Variants in PLCB4 observed in about 807,000 individuals in gnomAD.
PLCB4 encodes 1-phosphatidylinositol 4,5-bisphosphate phosphodiesterase beta-4.
A neutral mutation model predicts 178.8 loss-of-function variants in PLCB4; 77 were observed. The ratio of observed to expected loss-of-function variants is 0.43; its 90% CI spans 0.36 to 0.52. PLCB4 has a LOEUF of 0.52. PLCB4 is among the 20% of genes least tolerant of loss of function. The pLI, the probability that PLCB4 is intolerant of heterozygous loss-of-function variation, is 0.00. For synonymous variants in PLCB4, 496 were observed against 490.8 expected (o/e 1.01, Z -0.14); for missense variants, 1,024 against 1,453.4 (o/e 0.70, Z 4.80).
In PLCB4 at chr20:9,382,445, A is replaced by G. The variant is rs942526810; in HGVS notation, c.854-1756A>G. Reference sequence around the variant, plus strand: ...ACACATTTAGAATAAAATCTAAAATACTTAGTGAGGACTAAAGCCCAAGTG... The same window carrying G: ...ACACATTTAGAATAAAATCTAAAATGCTTAGTGAGGACTAAAGCCCAAGTG... On this transcript the variant is annotated intron_variant, in intron 13 of 39. Coordinates refer to ENST00000378473, the MANE Select transcript of PLCB4 (RefSeq NM_001377142.1). Among the ~76,000 whole-genome samples, 15 of 152,354 alleles carry G rather than the reference A, an allele frequency of 9.8e-5. 1 individual carries two copies. Among genetic ancestry groups the G allele is most frequent in the Admixed American group, 8.5e-4 (13 of 15,304 alleles).
intron 3 of PLCB4, among the ~76,000 whole-genome samples, chr20:9,285,441 T>G (rs377214406): frequency 6.6e-6 from 1 of 151,992 alleles, no homozygotes; most frequent in African/African-American, 2.4e-5. Context: ...CCTGACTTAC[T>G]AAGTTCTTTT....
intron 3 of PLCB4, among the ~76,000 whole-genome samples, chr20:9,278,543 A>G (rs1011804768): frequency 1.3e-5 from 2 of 152,056 alleles, no homozygotes; most frequent in African/African-American, 2.4e-5. Flanking sequence ...TAATTTATCC[A>G]TGGTTACTCC....
intron 3 of PLCB4, among the ~76,000 whole-genome samples, chr20:9,265,345 T>C (rs2094338802): frequency 6.6e-6 from 1 of 152,086 alleles, no homozygotes; most frequent in Admixed American, 6.5e-5. Flanking sequence ...TAGCTGGGCA[T>C]GTTGCCACAC....
chr20:9,132,719 A>G (rs1052815407), intron 2 of PLCB4, among the ~76,000 whole-genome samples: 13 of 152,132 alleles, frequency 8.5e-5, no homozygotes, highest in Non-Finnish European at 4.4e-5. Flanking sequence ...TTCATTCTCT[A>G]CATTGCAATC....
At position 9,129,969 on chromosome 20, in the gene PLCB4, TC is replaced by T. The variant is rs538743928; in HGVS notation, c.-79+33628del. On this transcript the variant is annotated intron_variant, in intron 2 of 39. Transcript: ENST00000378473. ...TACCATGTTTAGCCTCTGGGGCTTC[TC>T]TTGGTTGTATCTAGTTTGTTGTTCT... Among the ~76,000 whole-genome samples, 9 of 152,286 alleles carry T rather than the reference TC, an allele frequency of 5.9e-5. No homozygotes were observed. The South Asian group carries it at 1.9e-3, about 32-fold the overall frequency.
At chr20:9,077,072 A>C (rs997063798) in intron 1 of PLCB4, among the ~76,000 whole-genome samples, 2 of 152,044 alleles carry the variant, frequency 1.3e-5, no homozygotes, top group Non-Finnish European at 2.9e-5. Context: ...TATTGTATAC[A>C]TTTTTGTCTG....
chr20:9,169,000 A>AACC (rs1464242060), intron 2 of PLCB4, among the ~76,000 whole-genome samples: 2 of 136,920 alleles, frequency 1.5e-5, no homozygotes, highest in African/African-American at 2.8e-5. Flanking sequence ...CGGTTGCTAC[A>AACC]ACCACCAAGG....
intron 3 of PLCB4, among the ~76,000 whole-genome samples, chr20:9,290,582 C>T (rs1201122547): frequency 6.6e-6 from 1 of 152,092 alleles, no homozygotes; most frequent in Non-Finnish European, 1.5e-5. Context: ...GTTGACCTTA[C>T]AAGAATTGGA....
intron 3 of PLCB4, among the ~76,000 whole-genome samples, chr20:9,258,246 A>G (rs997396276): frequency 2.0e-5 from 3 of 152,188 alleles, no homozygotes; most frequent in African/African-American, 7.2e-5. Flanking sequence ...AACATTATTC[A>G]CATTTTTATG....
rs75386832 is a variant in PLCB4, at chr20:9,268,061, A to G, written c.-15-39739A>G. Among the ~76,000 whole-genome samples, 216 of 152,310 alleles carry G rather than the reference A, an allele frequency of 1.4e-3. 4 individuals are homozygous for G. The East Asian group carries it at 0.034, about 24-fold the overall frequency. On this transcript the variant is annotated intron_variant, in intron 3 of 39. Coordinates refer to ENST00000378473, the MANE Select transcript of PLCB4 (RefSeq NM_001377142.1). ...CCTGACTTGGGACTTCTCCACCTCCATAACTGTAAGACATAAATTCCTTTT... is the reference window on the plus strand; with the variant it reads ...CCTGACTTGGGACTTCTCCACCTCCGTAACTGTAAGACATAAATTCCTTTT...
chr20:9,311,348 G>A (rs1284964305), intron 4 of PLCB4, among the ~76,000 whole-genome samples: 1 of 152,156 alleles, frequency 6.6e-6, no homozygotes, highest in Non-Finnish European at 1.5e-5. Flanking sequence ...ATACAAGGAT[G>A]TTGTATAAAG....
At chr20:9,244,439 A>G (rs1374713442) in intron 3 of PLCB4, among the ~76,000 whole-genome samples, 1 of 152,224 alleles carries the variant, frequency 6.6e-6, no homozygotes, top group African/African-American at 2.4e-5. Flanking sequence ...ATTAAGGATC[A>G]ATTATGACTA....
At chr20:9,414,235 A>G (rs2040081998) in intron 25 of PLCB4, among the ~76,000 whole-genome samples, 1 of 152,236 alleles carries the variant, frequency 6.6e-6, no homozygotes, top group Admixed American at 6.5e-5. Flanking sequence ...ATAAAGTATC[A>G]GCGATGCTGT....
rs181312393 is a variant in PLCB4 at position 9,125,521 on chromosome 20, C to T, written c.-79+29179C>T. 1.1e-3 allele frequency among the ~76,000 whole-genome samples: 172 copies of T among 151,964 alleles called. 2 individuals carry two copies. Among genetic ancestry groups the T allele is most frequent in the Non-Finnish European group, 1.7e-3 (118 of 67,972 alleles). Reference sequence around the variant, plus strand: ...GTATAACTTGGCAATTTAGATATAACTCGTAATGAGGGATATTCCTACTAG... The same window carrying T: ...GTATAACTTGGCAATTTAGATATAATTCGTAATGAGGGATATTCCTACTAG... On this transcript the variant is annotated intron_variant, in intron 2 of 39. Coordinates refer to ENST00000378473, the MANE Select transcript of PLCB4 (RefSeq NM_001377142.1).
intron 2 of PLCB4, among the ~76,000 whole-genome samples, chr20:9,104,081 G>T (rs972071022): frequency 1.3e-5 from 2 of 152,098 alleles, no homozygotes; most frequent in Non-Finnish European, 2.9e-5. Flanking sequence ...AGCAGAGAAA[G>T]CTCATCTCTG....
intron 4 of PLCB4, among the ~76,000 whole-genome samples, chr20:9,314,716 C>T (rs2094878869): frequency 6.6e-6 from 1 of 152,054 alleles, no homozygotes; most frequent in African/African-American, 2.4e-5. Context: ...AGAGGATGAA[C>T]ACATGGGCGC....
chr20:9,212,138 C>G (rs915915077), intron 2 of PLCB4, among the ~76,000 whole-genome samples: 2 of 152,186 alleles, frequency 1.3e-5, no homozygotes, highest in Non-Finnish European at 1.5e-5. Flanking sequence ...TTGGAAAGTG[C>G]TTGTGCTTTG....
chr20:9,232,988 T>C (rs2093950188), intron 3 of PLCB4, among the ~76,000 whole-genome samples: 1 of 152,082 alleles, frequency 6.6e-6, no homozygotes, highest in Non-Finnish European at 1.5e-5. Context: ...ATCAAAGAGT[T>C]TATTAGTTCC....
At chr20:9,389,836 T>G (rs749714192) in intron 15 of PLCB4, 43 bp from the exon 16 acceptor site, 2 of 1,077,740 alleles carry the variant, frequency 1.9e-6, no homozygotes, top group East Asian at 2.3e-5. Context: ...GCCTTAATTT[T>G]TTTGCTCTTT....
Sources: allele counts gnomAD v4.1 joint callset (sites outside exome capture counted in the v4.1 genomes callset), GRCh38; gene constraint gnomAD v4.1.1; transcripts MANE v1.5; gene names NCBI Gene and HGNC (gene_info 2026-07-23, HGNC 2026-07-21).